Variants in SLC2A14 observed in about 807,000 individuals in gnomAD.
The protein encoded by SLC2A14 is solute carrier family 2, facilitated glucose transporter member 14.
A neutral mutation model predicts 43.0 loss-of-function variants in SLC2A14; 13 were observed. The observed-to-expected ratio is 0.30, with a 90% confidence interval of 0.20 to 0.48. SLC2A14 has a LOEUF of 0.48. Among genes scored for constraint, SLC2A14 ranks in the 20% least tolerant of loss-of-function variants. The pLI is 0.99. For missense variants in SLC2A14, 428 were observed against 620.4 expected, an observed-to-expected ratio of 0.69 and a Z score of 3.29; for synonymous variants, 190 against 233.8, an observed-to-expected ratio of 0.81 and a Z score of 1.71.
At chr12:7,861,676 A>T (rs942993611) in intron 2 of SLC2A14, among the ~76,000 whole-genome samples, 18 of 152,194 alleles carry the variant, frequency 1.2e-4, no homozygotes, top group African/African-American at 4.3e-4. Flanking sequence ...AACTGAAAAA[A>T]AACAGGCCAT....
At chr12:7,846,416 A>C (rs982776909) in intron 2 of SLC2A14, among the ~76,000 whole-genome samples, 13 of 152,016 alleles carry the variant, frequency 8.6e-5, no homozygotes, top group Admixed American at 3.3e-4. Context: ...AAAAAAAAAA[A>C]AACTTTATCC....
chr12:7,886,344 TTA>T (rs1204909586), intron 1 of SLC2A14, among the ~76,000 whole-genome samples: 2 of 796 alleles, frequency 2.5e-3, no homozygotes, highest in African/African-American at 3.7e-3. Context: ...TTTTTAAAAT[TTA>T]TTTATTTATT....
At chr12:7,824,865 TTATA>T (rs1217731084) in intron 7 of SLC2A14, among the ~76,000 whole-genome samples, 3 of 152,078 alleles carry the variant, frequency 2.0e-5, no homozygotes, top group Non-Finnish European at 2.9e-5. Context: ...CGGCTAATTT[TTATA>T]TTTTTAGTAG....
chr12:7,832,356 T>TTAC (rs2120791323), intron 3 of SLC2A14, among the ~76,000 whole-genome samples: 1 of 152,220 alleles, frequency 6.6e-6, no homozygotes, highest in South Asian at 2.1e-4. Context: ...AGGAAGTGTA[T>TTAC]TACTATAGGG....
chr12:7,825,288 C>T (rs4012952), intron 7 of SLC2A14, among the ~76,000 whole-genome samples: 92,789 of 148,222 alleles, frequency 0.63, 29,802 homozygotes, highest in African/African-American at 0.7. Flanking sequence ...TGGTGAAAGC[C>T]CGTCTCTACT....
intron 1 of SLC2A14, among the ~76,000 whole-genome samples, chr12:7,882,272 C>G (rs752159175): frequency 6.7e-6 from 1 of 148,324 alleles, no homozygotes; most frequent in Non-Finnish European, 1.5e-5. Flanking sequence ...AGAGCTGTAA[C>G]ACTCACCGTG....
intron 2 of SLC2A14, among the ~76,000 whole-genome samples, chr12:7,834,207 T>C (rs183360835): frequency 6.6e-6 from 1 of 151,860 alleles, no homozygotes; most frequent in African/African-American, 2.4e-5. Flanking sequence ...TTCATTAGTC[T>C]CATAACTTTC....
Position 7,871,982 on chromosome 12 carries a change from GAAAAAA to G in SLC2A14, c.-58+819_-58+824del, listed in dbSNP as rs897275238. 2.5e-5 allele frequency: 20 copies of G among 806,822 alleles called. No homozygotes were observed. In the Admixed American group the frequency reaches 2.5e-4, roughly 10 times the overall value. The allele number at this position is 806,822 out of a possible 1,614,324, so 50.0% of individuals were successfully genotyped here. ...GGAAAAAAAACAAAAAAAAGAAAAA[GAAAAAA>G]AAAGTAAGGTACTATTTATTTATCT... On this transcript the variant is annotated intron_variant, in intron 1 of 10. Transcript: ENST00000431042.
intron 1 of SLC2A14, 133 bp downstream of exon 1, chr12:7,872,674 G>T: frequency 8.7e-6 from 6 of 688,980 alleles, no homozygotes; most frequent in Non-Finnish European, 1.1e-5. Flanking sequence ...TCCCAGAGCC[G>T]CAGCTCTCTT....
At chr12:7,841,662 T>C (rs781465510) in intron 2 of SLC2A14, among the ~76,000 whole-genome samples, 3 of 152,312 alleles carry the variant, frequency 2.0e-5, no homozygotes, top group East Asian at 1.9e-4. Context: ...GTATATTCTA[T>C]AGGTTTGATA....
intron 7 of SLC2A14, among the ~76,000 whole-genome samples, chr12:7,824,886 G>A (rs545958875): frequency 6.8e-4 from 104 of 152,026 alleles, no homozygotes; most frequent in Middle Eastern, 3.4e-3. Flanking sequence ...GTAGAGACAG[G>A]CTTTTGCCAT....
chr12:7,859,371 CAG>C (rs1944418508), intron 2 of SLC2A14, among the ~76,000 whole-genome samples: 1 of 151,368 alleles, frequency 6.6e-6, no homozygotes, highest in Admixed American at 6.6e-5. Flanking sequence ...ACCTGGGTGA[CAG>C]AGCAAGACTC....
At chr12:7,840,773 T>C (rs1409086027) in intron 2 of SLC2A14, among the ~76,000 whole-genome samples, 1 of 152,182 alleles carries the variant, frequency 6.6e-6, no homozygotes, top group Non-Finnish European at 1.5e-5. Context: ...ATTTGAAATA[T>C]ATTTTCAAGG....
At chr12:7,840,871 G>C (rs1327635778) in intron 2 of SLC2A14, among the ~76,000 whole-genome samples, 2 of 152,190 alleles carry the variant, frequency 1.3e-5, no homozygotes, top group African/African-American at 2.4e-5. Context: ...AGCAACTGGA[G>C]AACTGGAGTT....
At chr12:7,876,621 A>G (rs1945468317), upstream of SLC2A14, among the ~76,000 whole-genome samples, 1 of 152,178 alleles carries the variant, frequency 6.6e-6, no homozygotes, top group African/African-American at 2.4e-5. Flanking sequence ...TGAAACCAGC[A>G]CCTTGTAAAA....
Position 7,829,931 on chromosome 12 carries a change from C to T in SLC2A14, c.348G>A (p.Glu116=). The change falls in exon 5 of 11, where the codon GAG becomes GAA. Residue 116 remains glutamate, a synonymous_variant. Coordinates refer to ENST00000431042, the MANE Select transcript of SLC2A14 (RefSeq NM_001286234.2). ...GCLMGLCKIA[E]SVEMLILGRL... is the part of the protein sequence containing the mutation. ...GGCCCAGGATCAGCATTTCAACTGA[C>T]TCAGCTATTTTACACAGTCCCATAA... 1.2e-6 allele frequency: 2 copies of T among 1,614,194 alleles called. No individual in the cohort carries two copies. Among genetic ancestry groups the T allele is most frequent in the South Asian group, 2.2e-5 (2 of 91,082 alleles).
At chr12:7,826,861 T>TCTTTTTTCTTTC (rs1555121667) in intron 7 of SLC2A14, among the ~76,000 whole-genome samples, 16 of 60,308 alleles carry the variant, frequency 2.7e-4, no homozygotes, top group South Asian at 1.9e-3. Context: ...TTCCTTTCTT[T>TCTTTTTTCTTTC]TTTCTTTCTT....
intron 2 of SLC2A14, among the ~76,000 whole-genome samples, chr12:7,862,213 G>A (rs1373895163): frequency 2.2e-5 from 3 of 138,864 alleles, no homozygotes; most frequent in Admixed American, 7.8e-5. Context: ...GCAGTGAGCC[G>A]AGATCACGCC....
At chr12:7,877,000 T>C (rs1407097754), upstream of SLC2A14, among the ~76,000 whole-genome samples, 1 of 142,720 alleles carries the variant, frequency 7.0e-6, no homozygotes, top group African/African-American at 2.6e-5. Flanking sequence ...TGAATAATTT[T>C]TTTTCTTTTT....
Sources: gnomAD v4.1 joint callset for allele counts (sites outside exome capture counted in the v4.1 genomes callset) on GRCh38, gnomAD v4.1.1 for gene constraint, MANE v1.5 for transcripts, NCBI Gene and HGNC (gene_info 2026-07-23, HGNC 2026-07-21) for gene names.